MGAT4C: variants seen among roughly 807,000 people sequenced by gnomAD.
MGAT4C encodes the protein alpha-1,3-mannosyl-glycoprotein 4-beta-N-acetylglucosaminyltransferase C.
A neutral mutation model predicts 40.1 loss-of-function variants in MGAT4C; 19 were observed. The observed-to-expected ratio is 0.47, with a 90% CI of 0.33 to 0.70. The LOEUF (loss-of-function observed/expected upper bound fraction) is 0.70, where lower values mean the gene tolerates loss of function less well. Ranked by LOEUF, MGAT4C falls within the 30% of genes least tolerant of loss-of-function variation. MGAT4C has a pLI of 0.02. For missense variants in MGAT4C, 491 were observed against 563.2 expected (o/e 0.87, Z 1.30); for synonymous variants, 181 against 187.1 (o/e 0.97, Z 0.27).
intron 2 of MGAT4C, among the ~76,000 whole-genome samples, chr12:86,689,838 C>T (rs906092330): frequency 3.3e-5 from 5 of 152,182 alleles, no homozygotes; most frequent in African/African-American, 1.2e-4. Flanking sequence ...AGAGCTCAAC[C>T]ACTGTGCTGG....
chr12:86,399,773 A>T (rs1188444608), intron 3 of MGAT4C, among the ~76,000 whole-genome samples: 1 of 152,144 alleles, frequency 6.6e-6, no homozygotes, highest in Non-Finnish European at 1.5e-5. Flanking sequence ...CAGCAACAAA[A>T]GTTTCTACAC....
At chr12:86,211,633 T>C (rs191745444) in intron 1 of MGAT4C, among the ~76,000 whole-genome samples, 47 of 151,786 alleles carry the variant, frequency 3.1e-4, no homozygotes, top group African/African-American at 1.1e-3. Context: ...AATAAAAGCT[T>C]ACATAGATTA....
intron 3 of MGAT4C, among the ~76,000 whole-genome samples, chr12:86,345,043 CT>C (rs975520979): frequency 6.6e-6 from 1 of 151,198 alleles, no homozygotes; most frequent in Non-Finnish European, 1.5e-5. Context: ...TAATGTGTTC[CT>C]TTTTTATTTT....
At chr12:86,239,201 TA>T (rs1189085167) in intron 1 of MGAT4C, among the ~76,000 whole-genome samples, 2 of 152,036 alleles carry the variant, frequency 1.3e-5, no homozygotes, top group Non-Finnish European at 2.9e-5. Context: ...CTCAGTGGAG[TA>T]ACTGCAAGTA....
Position 86,733,424 on chromosome 12 carries a change from AAAACAAAC to A in MGAT4C, c.-261-6191_-261-6184del, listed in dbSNP as rs528730046. Among the ~76,000 whole-genome samples, 1,494 of 152,102 alleles carry A rather than the reference AAAACAAAC, an allele frequency of 9.8e-3. 81 individuals carry two copies. The highest frequency in any genetic ancestry group is 2.9e-3 in the Non-Finnish European group (195 of 67,998). On this transcript the variant is annotated intron_variant, in intron 1 of 7. Coordinates refer to the MGAT4C transcript ENST00000548651. ...ATGATCCCCGAGTAACAAGAAGAGC[AAAACAAAC>A]AAACAAACAAACAAACAAACACAAA...
At chr12:86,019,944 T>C (rs1416584815) in intron 2 of MGAT4C, among the ~76,000 whole-genome samples, 1 of 152,168 alleles carries the variant, frequency 6.6e-6, no homozygotes, top group Non-Finnish European at 1.5e-5. Flanking sequence ...TTTTATTCTC[T>C]TTGAAGCAAT....
At chr12:86,348,663 G>C (rs1955092395) in intron 3 of MGAT4C, among the ~76,000 whole-genome samples, 1 of 152,106 alleles carries the variant, frequency 6.6e-6, no homozygotes, top group African/African-American at 2.4e-5. Context: ...TTTTACTCAT[G>C]TAGCTTTCTG....
At chr12:86,539,087 C>T (rs1959128215) in intron 2 of MGAT4C, among the ~76,000 whole-genome samples, 1 of 152,048 alleles carries the variant, frequency 6.6e-6, no homozygotes, top group Admixed American at 6.6e-5. Context: ...AGGTTTGTTA[C>T]ATATGTATAC....
intron 2 of MGAT4C, among the ~76,000 whole-genome samples, chr12:85,990,503 G>T (rs1379780346): frequency 1.3e-5 from 2 of 152,100 alleles, no homozygotes; most frequent in Non-Finnish European, 2.9e-5. Context: ...ATGTGTAAGG[G>T]AGACTTTAGA....
intron 3 of MGAT4C, among the ~76,000 whole-genome samples, chr12:86,364,861 G>A (rs1427989551): frequency 6.6e-6 from 1 of 152,162 alleles, no homozygotes; most frequent in Non-Finnish European, 1.5e-5. Context: ...ATATCACAAA[G>A]GCAAATGGAG....
chr12:86,392,118 A>G (rs1007744356), intron 3 of MGAT4C, among the ~76,000 whole-genome samples: 3 of 152,182 alleles, frequency 2.0e-5, no homozygotes, highest in Non-Finnish European at 4.4e-5. Flanking sequence ...TAACAGTTGC[A>G]GTGTTTGGTA....
At chr12:86,187,897 A>C (rs1010912456) in intron 1 of MGAT4C, among the ~76,000 whole-genome samples, 7 of 152,062 alleles carry the variant, frequency 4.6e-5, no homozygotes, top group African/African-American at 1.7e-4. Context: ...TTGAATTAGG[A>C]GGAAATTCTC....
intron 1 of MGAT4C, among the ~76,000 whole-genome samples, chr12:86,152,343 A>G (rs575080343): frequency 1.3e-5 from 2 of 152,316 alleles, no homozygotes; most frequent in South Asian, 4.1e-4. Context: ...TGCTTCCAAG[A>G]TGGTGCCTCG....
At chr12:86,768,367 A>G (rs1327333456) in intron 1 of MGAT4C, among the ~76,000 whole-genome samples, 1 of 152,192 alleles carries the variant, frequency 6.6e-6, no homozygotes, top group Non-Finnish European at 1.5e-5. Flanking sequence ...GAAATAAAAG[A>G]GGATACAAAC....
intron 1 of MGAT4C, among the ~76,000 whole-genome samples, chr12:86,116,314 G>A (rs1845637818): frequency 6.6e-6 from 1 of 151,950 alleles, no homozygotes; most frequent in South Asian, 2.1e-4. Context: ...ATAGGCGAAA[G>A]TATTATCAGT....
chr12:86,300,352 C>T (rs2406115), intron 4 of MGAT4C, among the ~76,000 whole-genome samples: 96,972 of 151,966 alleles, frequency 0.64, 32,019 homozygotes, highest in South Asian at 0.77. Context: ...GATATTGTCA[C>T]GAAATTTAAA....
At chr12:86,313,435 T>A (rs1321369977) in intron 4 of MGAT4C, among the ~76,000 whole-genome samples, 4 of 152,222 alleles carry the variant, frequency 2.6e-5, no homozygotes, top group African/African-American at 9.6e-5. Context: ...GTAACTCATA[T>A]GCTGATTACT....
intron 2 of MGAT4C, among the ~76,000 whole-genome samples, chr12:86,543,648 G>C (rs986188923): frequency 1.3e-5 from 2 of 152,038 alleles, no homozygotes; most frequent in African/African-American, 4.8e-5. Context: ...GATAATGTCA[G>C]CATTTCTGTA....
chr12:86,220,842 A>G (rs534177066), intron 1 of MGAT4C, among the ~76,000 whole-genome samples: 1 of 152,164 alleles, frequency 6.6e-6, no homozygotes, highest in African/African-American at 2.4e-5. Context: ...GCAGGTAATA[A>G]ATAACTCTGC....
Sources: gnomAD v4.1 joint callset for allele counts (sites outside exome capture counted in the v4.1 genomes callset) on GRCh38, gnomAD v4.1.1 for gene constraint, MANE v1.5 for transcripts, NCBI Gene and HGNC (gene_info 2026-07-23, HGNC 2026-07-21) for gene names.